Variants in CNBD1 observed in about 807,000 individuals in gnomAD.
CNBD1 encodes cyclic nucleotide binding domain containing 1, also known as cyclic nucleotide-binding domain-containing protein 1.
Under a neutral mutation model 54.4 loss-of-function variants are expected in CNBD1, and 71 were observed. The ratio of observed to expected loss-of-function variants is 1.30; its 90% CI spans 1.08 to 1.59. The LOEUF (loss-of-function observed/expected upper bound fraction) is 1.59. Ranked by LOEUF, CNBD1 falls within the 40% of genes most tolerant of loss-of-function variation. The pLI, the probability that CNBD1 is intolerant of heterozygous loss-of-function variation, is 0.00. For synonymous variants in CNBD1, 182 were observed against 170.7 expected, an observed-to-expected ratio of 1.07 and a Z score of -0.51; for missense variants, 659 against 518.0, an observed-to-expected ratio of 1.27 and a Z score of -2.64.
At chr8:87,332,576 C>A (rs914834884) in intron 8 of CNBD1, among the ~76,000 whole-genome samples, 32 of 152,174 alleles carry the variant, frequency 2.1e-4, no homozygotes, top group Admixed American at 2.6e-4. Flanking sequence ...AGGAAGGGAT[C>A]CAGTTTCAGT....
intron 4 of CNBD1, among the ~76,000 whole-genome samples, chr8:87,184,143 G>A (rs1813425168): frequency 6.6e-6 from 1 of 152,184 alleles, no homozygotes; most frequent in Non-Finnish European, 1.5e-5. Flanking sequence ...GTGCACCAGT[G>A]GGAGAATGCT....
chr8:87,031,709 C>A (rs1277272531), intron 4 of CNBD1, among the ~76,000 whole-genome samples: 1 of 152,060 alleles, frequency 6.6e-6, no homozygotes, highest in East Asian at 1.9e-4. Context: ...TATTGACATC[C>A]AATTAGTCAC....
chr8:87,293,903 G>T (rs1373906650), intron 8 of CNBD1, among the ~76,000 whole-genome samples: 1 of 152,178 alleles, frequency 6.6e-6, no homozygotes, highest in Non-Finnish European at 1.5e-5. Context: ...TGATCAAACA[G>T]CCCAATTTAA....
At chr8:86,995,095 G>T (rs1261813388) in intron 4 of CNBD1, among the ~76,000 whole-genome samples, 1 of 152,180 alleles carries the variant, frequency 6.6e-6, no homozygotes, top group Non-Finnish European at 1.5e-5. Context: ...GGCTTATAAA[G>T]CTTGGTGGGG....
At chr8:87,374,622 C>T (rs1238394832) in intron 10 of CNBD1, among the ~76,000 whole-genome samples, 10 of 151,730 alleles carry the variant, frequency 6.6e-5, no homozygotes, top group Non-Finnish European at 1.2e-4. Context: ...GCCTCTCTAG[C>T]AGTTAGGTTG....
intron 2 of CNBD1, among the ~76,000 whole-genome samples, chr8:86,893,892 A>T (rs976338716): frequency 3.3e-5 from 5 of 151,944 alleles, no homozygotes; most frequent in Non-Finnish European, 7.4e-5. Context: ...TTTTTAATCT[A>T]CTACTCCACT....
At chr8:87,310,457 A>G (rs1251384667) in intron 8 of CNBD1, among the ~76,000 whole-genome samples, 1 of 152,182 alleles carries the variant, frequency 6.6e-6, no homozygotes, top group African/African-American at 2.4e-5. Context: ...GGAAAACTAC[A>G]AAACACTACT....
intron 4 of CNBD1, among the ~76,000 whole-genome samples, chr8:86,984,535 G>A (rs891488071): frequency 6.6e-6 from 1 of 152,106 alleles, no homozygotes; most frequent in African/African-American, 2.4e-5. Flanking sequence ...CAGCCAAGAG[G>A]GGGCTTATAC....
At chr8:87,325,243 T>A (rs1418679463) in intron 8 of CNBD1, among the ~76,000 whole-genome samples, 1 of 95,500 alleles carries the variant, frequency 1.0e-5, no homozygotes, top group Admixed American at 9.1e-5. Flanking sequence ...AATTTTGGAA[T>A]AGGTGTGGTG....
At chr8:87,121,282 T>C (rs1433463431) in intron 4 of CNBD1, among the ~76,000 whole-genome samples, 2 of 151,742 alleles carry the variant, frequency 1.3e-5, no homozygotes, top group Non-Finnish European at 3.0e-5. Context: ...AGGAAATATA[T>C]ACATCTATAT....
intron 1 of CNBD1, among the ~76,000 whole-genome samples, chr8:86,871,285 A>G (rs930603616): frequency 5.1e-4 from 77 of 152,324 alleles, no homozygotes; most frequent in Middle Eastern, 3.4e-3. Flanking sequence ...CTATCTGCCT[A>G]TATCAGAGAT....
At chr8:87,040,556 T>C (rs1045707714) in intron 4 of CNBD1, among the ~76,000 whole-genome samples, 1 of 151,638 alleles carries the variant, frequency 6.6e-6, no homozygotes, top group Non-Finnish European at 1.5e-5. Context: ...CCCATGTAGC[T>C]GGGACTACAG....
intron 2 of CNBD1, among the ~76,000 whole-genome samples, chr8:86,903,477 TAGTTAATAC>T (rs1159936484): frequency 2.6e-5 from 4 of 152,082 alleles, no homozygotes; most frequent in Admixed American, 2.6e-4. Flanking sequence ...TAGGAGTATC[TAGTTAATAC>T]AGTTATGTAA....
intron 10 of CNBD1, among the ~76,000 whole-genome samples, chr8:87,380,952 C>T (rs1811060580): frequency 6.6e-6 from 1 of 152,066 alleles, no homozygotes; most frequent in South Asian, 2.1e-4. Flanking sequence ...TAGAAGAATA[C>T]GTAGTTAAAA....
At chr8:87,253,802 A>G (rs1195511653) in intron 6 of CNBD1, among the ~76,000 whole-genome samples, 1 of 152,162 alleles carries the variant, frequency 6.6e-6, no homozygotes, top group Non-Finnish European at 1.5e-5. Flanking sequence ...AAAAGTGATG[A>G]ACAACAAAAA....
chr8:87,125,073 A>T (rs1444497823), intron 4 of CNBD1, among the ~76,000 whole-genome samples: 1 of 151,816 alleles, frequency 6.6e-6, no homozygotes, highest in East Asian at 1.9e-4. Context: ...TTAAATACTT[A>T]GTTCTAAATT....
At chr8:87,215,618 G>A (rs1028781882) in intron 5 of CNBD1, among the ~76,000 whole-genome samples, 5 of 151,852 alleles carry the variant, frequency 3.3e-5, no homozygotes, top group Non-Finnish European at 7.4e-5. Context: ...TTTCTTTTGG[G>A]AATGATAAAA....
intron 4 of CNBD1, among the ~76,000 whole-genome samples, chr8:87,158,622 A>G (rs1018255687): frequency 6.6e-6 from 1 of 152,168 alleles, no homozygotes; most frequent in East Asian, 1.9e-4. Context: ...TTTATGCAGT[A>G]GATACCCCTC....
intron 6 of CNBD1, among the ~76,000 whole-genome samples, chr8:87,241,344 C>T (rs1037471210): frequency 7.0e-6 from 1 of 142,310 alleles, no homozygotes; most frequent in African/African-American, 2.7e-5. Flanking sequence ...GATCTCGGCT[C>T]ACTGCAAGCT....
Sources: gnomAD v4.1 joint callset for allele counts (sites outside exome capture counted in the v4.1 genomes callset) on GRCh38, gnomAD v4.1.1 for gene constraint, MANE v1.5 for transcripts, NCBI Gene and HGNC (gene_info 2026-07-23, HGNC 2026-07-21) for gene names.